Variants in TOPAZ1 observed in about 807,000 individuals in gnomAD.
TOPAZ1 encodes the protein protein TOPAZ1.
Under a neutral mutation model 172.2 loss-of-function variants are expected in TOPAZ1, and 66 were observed. The observed-to-expected ratio is 0.38, with a 90% CI of 0.31 to 0.47. TOPAZ1 has a LOEUF of 0.47. Ranked by LOEUF, TOPAZ1 falls within the 20% of genes least tolerant of loss-of-function variation. The pLI is 0.99. For missense variants in TOPAZ1, 1,822 were observed against 1,972.4 expected (o/e 0.92, Z 1.44); for synonymous variants, 681 against 683.9 (o/e 1.00, Z 0.07).
rs966265426 is a variant in TOPAZ1, at chr3:44,241,945, G to C, written c.-109G>C. The C allele has an allele frequency of 2.0e-6, 2 of 1,014,428 alleles. No homozygotes were observed. Among genetic ancestry groups the C allele is most frequent in the South Asian group, 1.5e-5 (1 of 64,806 alleles). 62.8% of individuals were successfully genotyped at this position (1,014,428 alleles called of 1,614,324 possible). On this transcript the variant is annotated 5_prime_UTR_variant, in exon 1 of 20. Coordinates refer to ENST00000309765, the MANE Select transcript of TOPAZ1 (RefSeq NM_001145030.2). ...CCCGGGCTGTGGTGACTGGCGGTGT[G>C]GGGTGGGTCAGAGGGCAGTAGGTAC...
At chr3:44,315,717 G>A in intron 16 of TOPAZ1, among the ~76,000 whole-genome samples, 1 of 151,968 alleles carries the variant, frequency 6.6e-6, no homozygotes, top group East Asian at 1.9e-4. Flanking sequence ...ACAAAGCTGT[G>A]TTAGCCCAGG....
intron 19 of TOPAZ1, among the ~76,000 whole-genome samples, chr3:44,329,076 C>T (rs1263983629): frequency 6.6e-6 from 1 of 152,150 alleles, no homozygotes; most frequent in Non-Finnish European, 1.5e-5. Flanking sequence ...AGCTTCTTGA[C>T]AAGAATTTTG....
At chr3:44,279,347 CA>C (rs1699997902) in intron 8 of TOPAZ1, among the ~76,000 whole-genome samples, 1 of 152,086 alleles carries the variant, frequency 6.6e-6, no homozygotes, top group Non-Finnish European at 1.5e-5. Context: ...ATTTAATGTG[CA>C]GTTTAAAACT....
chr3:44,318,101 G>A (rs949934602), intron 16 of TOPAZ1, among the ~76,000 whole-genome samples: 2 of 152,086 alleles, frequency 1.3e-5, no homozygotes, highest in Admixed American at 6.5e-5. Context: ...GTGGCCCGGG[G>A]TGATGAAGCA....
chr3:44,284,116 T>TA (rs34045686), intron 9 of TOPAZ1, among the ~76,000 whole-genome samples: 69,975 of 151,830 alleles, frequency 0.46, 17,362 homozygotes, highest in East Asian at 0.8. Flanking sequence ...ATGTATGTGA[T>TA]AAAATATACA....
At chr3:44,266,971 T>C in intron 5 of TOPAZ1, 26 bp from the exon 6 acceptor site, 2 of 1,485,806 alleles carry the variant, frequency 1.3e-6, no homozygotes, top group Non-Finnish European at 1.8e-6. Flanking sequence ...ATTTAAATTC[T>C]GATGTTAATT....
intron 19 of TOPAZ1, 135 bp downstream of exon 19, chr3:44,328,568 G>A (rs1700629178): frequency 4.7e-6 from 2 of 427,738 alleles, no homozygotes; most frequent in Non-Finnish European, 7.8e-6. Context: ...TACTTTATGT[G>A]TGTGTATTGC....
intron 4 of TOPAZ1, among the ~76,000 whole-genome samples, chr3:44,258,031 C>CTT (rs948649709): frequency 6.6e-6 from 1 of 151,656 alleles, no homozygotes; most frequent in African/African-American, 2.4e-5. Context: ...TCCTATGTTG[C>CTT]TTTTTTGTTT....
At chr3:44,257,706 G>A (rs1191572423) in intron 4 of TOPAZ1, among the ~76,000 whole-genome samples, 1 of 151,722 alleles carries the variant, frequency 6.6e-6, no homozygotes, top group Non-Finnish European at 1.5e-5. Flanking sequence ...GACCCATGTT[G>A]CCTTTACCTA....
chr3:44,332,675 CT>C (rs1401316515), downstream of TOPAZ1, among the ~76,000 whole-genome samples: 1 of 152,062 alleles, frequency 6.6e-6, no homozygotes, highest in Non-Finnish European at 1.5e-5. Flanking sequence ...TATTCAGAAT[CT>C]GTATCACATT....
intron 4 of TOPAZ1, among the ~76,000 whole-genome samples, chr3:44,260,061 C>T (rs1023272276): frequency 2.6e-5 from 4 of 152,064 alleles, no homozygotes; most frequent in Non-Finnish European, 5.9e-5. Context: ...TTTGGTAGTT[C>T]CTCCTGCATT....
At chr3:44,291,528 G>C (rs1404906681) in intron 12 of TOPAZ1, among the ~76,000 whole-genome samples, 2 of 151,666 alleles carry the variant, frequency 1.3e-5, no homozygotes, top group Non-Finnish European at 2.9e-5. Context: ...TTGAATCTGG[G>C]AGGCAGAGGT....
chr3:44,263,177 T>C (rs1398962942), intron 5 of TOPAZ1, among the ~76,000 whole-genome samples: 1 of 152,222 alleles, frequency 6.6e-6, no homozygotes, highest in Non-Finnish European at 1.5e-5. Context: ...AGAACTGTGT[T>C]AAGGGAAAGA....
chr3:44,312,804 A>T (rs1354364784), intron 16 of TOPAZ1, among the ~76,000 whole-genome samples: 1 of 152,232 alleles, frequency 6.6e-6, no homozygotes, highest in Non-Finnish European at 1.5e-5. Flanking sequence ...TTTGTAAAAA[A>T]GTTATGCCAT....
chr3:44,272,514 C>T (rs966932184), intron 8 of TOPAZ1, among the ~76,000 whole-genome samples: 9 of 152,146 alleles, frequency 5.9e-5, no homozygotes, highest in Middle Eastern at 3.4e-3. Context: ...AGCCTTTTTT[C>T]GTACATTTGC....
At chr3:44,296,857 A>AG (rs1700202721) in intron 12 of TOPAZ1, among the ~76,000 whole-genome samples, 2 of 120,012 alleles carry the variant, frequency 1.7e-5, no homozygotes, top group African/African-American at 6.9e-5. Context: ...CAAAAAAAAA[A>AG]AAAAAAAGAA....
At position 44,287,379 on chromosome 3, in the gene TOPAZ1, T is replaced by G. The variant is rs1700091523; in HGVS notation, c.3437-10T>G. 1 of 1,421,230 alleles carries G rather than the reference T, an allele frequency of 7.0e-7. No individual in the cohort carries two copies. Among genetic ancestry groups the G allele is most frequent in the Non-Finnish European group, 9.3e-7 (1 of 1,075,946 alleles). 88.0% of individuals were successfully genotyped at this position (1,421,230 alleles called of 1,614,324 possible). ...GCAAATGACTTTAGTATATATATTT[T>G]CATTTTCAGTAAACATATTTATGGA... On this transcript the variant is annotated splice_polypyrimidine_tract_variant and intron_variant, in intron 9 of 19. Transcript: ENST00000309765.
chr3:44,303,978 T>C (rs1259833603), intron 12 of TOPAZ1, 37 bp from the exon 13 acceptor site: 10 of 1,275,826 alleles, frequency 7.8e-6, no homozygotes, highest in Non-Finnish European at 1.1e-5. Context: ...TTTTAAGGGG[T>C]GAATATAGTA....
intron 4 of TOPAZ1, among the ~76,000 whole-genome samples, chr3:44,257,805 A>AAT (rs1699731754): frequency 6.6e-6 from 1 of 152,120 alleles, no homozygotes; most frequent in African/African-American, 2.4e-5. Context: ...TATTTTATCA[A>AAT]ATATGCAGAT....
Sources: gnomAD v4.1 joint callset for allele counts (sites outside exome capture counted in the v4.1 genomes callset) on GRCh38, gnomAD v4.1.1 for gene constraint, MANE v1.5 for transcripts, NCBI Gene and HGNC (gene_info 2026-07-23, HGNC 2026-07-21) for gene names.